Variants in WLS observed in about 807,000 individuals in gnomAD.
WLS encodes protein wntless homolog.
WLS carries 23 observed loss-of-function variants against 62.8 expected under a neutral mutation model. That is an observed-to-expected ratio of 0.37 (90% CI 0.26 to 0.52). WLS has a LOEUF of 0.52. WLS is among the 20% of genes least tolerant of loss of function. The pLI is 0.92. For missense variants in WLS, 615 were observed against 697.3 expected (o/e 0.88, Z 1.33); for synonymous variants, 246 against 244.1 (o/e 1.01, Z -0.07).
chr1:68,143,779 C>T (rs1646717807), intron 10 of WLS, among the ~76,000 whole-genome samples: 1 of 152,094 alleles, frequency 6.6e-6, no homozygotes, highest in Non-Finnish European at 1.5e-5. Flanking sequence ...AATATTACTT[C>T]CTGTAGTCAT....
At chr1:68,135,541 A>G (rs528365131) in intron 11 of WLS, among the ~76,000 whole-genome samples, 1 of 152,290 alleles carries the variant, frequency 6.6e-6, no homozygotes, top group African/African-American at 2.4e-5. Context: ...TTTTGCCAAC[A>G]GTCACACAGT....
intron 11 of WLS, among the ~76,000 whole-genome samples, chr1:68,104,831 G>A (rs999253081): frequency 3.3e-5 from 5 of 152,168 alleles, no homozygotes; most frequent in African/African-American, 1.2e-4. Flanking sequence ...GAGGTGGGAG[G>A]ATGGCTTGAA....
At chr1:68,122,837 TGGA>T (rs777872440), downstream of WLS, among the ~76,000 whole-genome samples, 10 of 152,304 alleles carry the variant, frequency 6.6e-5, no homozygotes, top group East Asian at 9.7e-4. Context: ...TACACATCGG[TGGA>T]GAAGGCAGAA....
In WLS at chr1:68,130,957, G is replaced by A. The variant is rs1398547610; in HGVS notation, c.1517-4622C>T. On this transcript the variant is annotated intron_variant, in intron 11 of 11. Coordinates refer to ENST00000262348, the MANE Select transcript of WLS (RefSeq NM_024911.7). ...CACCCAGGCTGGAGTGGAGTGGAGC[G>A]ATCTCAGCACTGCAACCTCCGCCTC... is the stretch of plus-strand genomic sequence containing the variant. 4.2e-5 allele frequency among the ~76,000 whole-genome samples: 6 copies of A among 143,502 alleles called. No individual in the cohort carries two copies. The South Asian group carries it at 9.0e-4, about 22-fold the overall frequency. 94.1% of individuals were successfully genotyped at this position (143,502 alleles called of 152,430 possible).
At chr1:68,135,619 C>A (rs529628827) in intron 11 of WLS, among the ~76,000 whole-genome samples, 14 of 152,264 alleles carry the variant, frequency 9.2e-5, no homozygotes, top group Admixed American at 3.3e-4. Context: ...ATAATTATTT[C>A]CCACCGGTAT....
chr1:68,222,874 C>A (rs968375714), intron 1 of WLS, among the ~76,000 whole-genome samples: 1 of 122,050 alleles, frequency 8.2e-6, no homozygotes, highest in Admixed American at 1.2e-4. Context: ...TCATATTGGC[C>A]TAGAATGTAT....
At chr1:68,121,181 G>A (rs527327741), downstream of WLS, 50 of 152,284 alleles carry the variant, frequency 3.3e-4, no homozygotes, top group African/African-American at 1.2e-3. Context: ...GCCAGCTGGA[G>A]CAGTCCTGCC....
At chr1:68,184,267 C>T (rs1048521578) in intron 2 of WLS, among the ~76,000 whole-genome samples, 6 of 152,046 alleles carry the variant, frequency 3.9e-5, no homozygotes, top group African/African-American at 1.4e-4. Flanking sequence ...CAAAAGAAGC[C>T]CTTGGAGAGT....
intron 1 of WLS, among the ~76,000 whole-genome samples, chr1:68,199,669 G>A (rs1648893371): frequency 6.6e-6 from 1 of 152,124 alleles, no homozygotes; most frequent in African/African-American, 2.4e-5. Context: ...GAGTGCCTTG[G>A]CCTCTGCTCC....
At chr1:68,191,845 G>C (rs979453230) in intron 2 of WLS, among the ~76,000 whole-genome samples, 1 of 151,994 alleles carries the variant, frequency 6.6e-6, no homozygotes, top group Admixed American at 6.6e-5. Context: ...TCCTCACCAG[G>C]CTTTTCTCTC....
At chr1:68,120,589 T>C (rs1646351572), downstream of WLS, among the ~76,000 whole-genome samples, 1 of 152,216 alleles carries the variant, frequency 6.6e-6, no homozygotes, top group Non-Finnish European at 1.5e-5. Flanking sequence ...GAGTCTCACT[T>C]CTTGTGAAGT....
intron 2 of WLS, among the ~76,000 whole-genome samples, chr1:68,189,450 CTAAT>C (rs1648165271): frequency 6.6e-6 from 1 of 151,882 alleles, no homozygotes; most frequent in African/African-American, 2.4e-5. Flanking sequence ...TTTACTGCAC[CTAAT>C]TTATAATTTA....
At chr1:68,134,612 C>T (rs1646578735) in intron 11 of WLS, among the ~76,000 whole-genome samples, 1 of 152,120 alleles carries the variant, frequency 6.6e-6, no homozygotes, top group Admixed American at 6.5e-5. Flanking sequence ...TTAGTAGCAC[C>T]CCTAGAATCT....
Position 68,129,096 on chromosome 1 carries a change from C to T in WLS, c.1517-2761G>A, listed in dbSNP as rs535071949. 4.1e-4 allele frequency among the ~76,000 whole-genome samples: 62 copies of T among 152,128 alleles called. 1 individual carries two copies. In the South Asian group the frequency reaches 0.011, roughly 27 times the overall value. On this transcript the variant is annotated intron_variant, in intron 11 of 11. Transcript: ENST00000262348. ...TCCCGGCACTTTGGGAGGCTGACGG[C>T]GGCGGATCACTTGAGGTCAGGAGTT...
chr1:68,127,276 G>A (rs944169689), intron 11 of WLS: 5 of 184,718 alleles, frequency 2.7e-5, no homozygotes, highest in Non-Finnish European at 4.7e-5. Flanking sequence ...CATAGATTGG[G>A]GAAGGAGCCA....
At chr1:68,105,450 A>G (rs1422018821) in intron 11 of WLS, among the ~76,000 whole-genome samples, 1 of 109,380 alleles carries the variant, frequency 9.1e-6, no homozygotes, top group Non-Finnish European at 2.2e-5. Context: ...CCACAAAGCC[A>G]TAACCAAGGT....
intron 2 of WLS, among the ~76,000 whole-genome samples, chr1:68,185,152 T>A (rs12408073): frequency 0.09 from 13,617 of 152,082 alleles, 927 homozygotes; most frequent in East Asian, 0.33. Flanking sequence ...GGAAATAGCA[T>A]CAAGTCTCAT....
rs773846733 is a variant in WLS at position 68,144,551 on chromosome 1, A to T, written c.1362+18T>A. On this transcript the variant is annotated intron_variant, in intron 10 of 11. Coordinates refer to ENST00000262348, the MANE Select transcript of WLS (RefSeq NM_024911.7). The stretch of plus-strand genomic sequence containing the variant: ...TCTGCAGAGACATTCTCACCTTGAC[A>T]TCTCAGGGTCCACTTACCTGACTAA... 1 of 1,610,686 alleles carries T rather than the reference A, an allele frequency of 6.2e-7. No homozygotes were observed. Among genetic ancestry groups the T allele is most frequent in the East Asian group, 2.2e-5 (1 of 44,848 alleles).
chr1:68,138,637 C>T (rs1290600710), intron 10 of WLS, among the ~76,000 whole-genome samples: 4 of 152,130 alleles, frequency 2.6e-5, no homozygotes, highest in African/African-American at 9.7e-5. Flanking sequence ...TTTGAAGCTG[C>T]TTTTGTCTGT....
Sources: allele counts gnomAD v4.1 joint callset (sites outside exome capture counted in the v4.1 genomes callset), GRCh38; gene constraint gnomAD v4.1.1; transcripts MANE v1.5; gene names NCBI Gene and HGNC (gene_info 2026-07-23, HGNC 2026-07-21).